The following NXPH1 variants were observed in gnomAD, a reference collection of about 807,000 sequenced individuals.
NXPH1 encodes neurexophilin-1.
A neutral mutation model predicts 23.7 loss-of-function variants in NXPH1; 5 were observed. That is an observed-to-expected ratio of 0.21 (90% CI 0.11 to 0.44). NXPH1 has a LOEUF of 0.44. NXPH1 is among the 20% of genes least tolerant of loss of function. The pLI, the probability that NXPH1 is intolerant of heterozygous loss-of-function variation, is 0.99. For missense variants in NXPH1, 324 were observed against 321.6 expected (o/e 1.01, Z -0.06); for synonymous variants, 144 against 122.2 (o/e 1.18, Z -1.18).
chr7:8,570,513 T>C (rs1818624041), intron 2 of NXPH1, among the ~76,000 whole-genome samples: 1 of 152,016 alleles, frequency 6.6e-6, no homozygotes, highest in Non-Finnish European at 1.5e-5. Context: ...AATCAGCATA[T>C]GTAGAAAGTG....
intron 2 of NXPH1, among the ~76,000 whole-genome samples, chr7:8,515,307 T>C (rs2128614674): frequency 6.6e-6 from 1 of 152,160 alleles, no homozygotes; most frequent in Admixed American, 6.6e-5. Context: ...TGATTTTGCT[T>C]CATCATCATC....
intron 2 of NXPH1, among the ~76,000 whole-genome samples, chr7:8,745,474 A>C (rs1346298053): frequency 6.6e-6 from 1 of 152,086 alleles, no homozygotes; most frequent in East Asian, 1.9e-4. Flanking sequence ...ATGTTTGTCT[A>C]TGAATGTAAA....
chr7:8,720,082 T>G (rs1257611321), intron 2 of NXPH1, among the ~76,000 whole-genome samples: 44 of 152,188 alleles, frequency 2.9e-4, no homozygotes, highest in Non-Finnish European at 4.4e-5. Flanking sequence ...CAGCTCCTTT[T>G]GGAGAATGAT....
chr7:8,547,610 C>G (rs1818217157), intron 2 of NXPH1, among the ~76,000 whole-genome samples: 1 of 151,318 alleles, frequency 6.6e-6, no homozygotes, highest in South Asian at 2.1e-4. Context: ...AATATTGTAT[C>G]TGTTGCCCCT....
chr7:8,596,825 G>A (rs375902187), intron 2 of NXPH1, among the ~76,000 whole-genome samples: 2 of 152,080 alleles, frequency 1.3e-5, no homozygotes, highest in South Asian at 4.1e-4. Context: ...CTTTTACTTT[G>A]GGAGTAGTGC....
chr7:8,500,223 A>G (rs181222684), intron 2 of NXPH1, among the ~76,000 whole-genome samples: 11 of 152,168 alleles, frequency 7.2e-5, no homozygotes, highest in Admixed American at 5.2e-4. Flanking sequence ...TCACTTTTAG[A>G]TTCTAAATCT....
At chr7:8,477,345 A>T (rs1816993045) in intron 2 of NXPH1, among the ~76,000 whole-genome samples, 1 of 151,068 alleles carries the variant, frequency 6.6e-6, no homozygotes, top group Non-Finnish European at 1.5e-5. Context: ...ATTTTTTTTT[A>T]AATAATTGTG....
chr7:8,530,653 G>A (rs1208340523), intron 2 of NXPH1, among the ~76,000 whole-genome samples: 1 of 152,214 alleles, frequency 6.6e-6, no homozygotes, highest in East Asian at 1.9e-4. Context: ...CATGAGGGAG[G>A]AGGTGAGTCA....
intron 2 of NXPH1, among the ~76,000 whole-genome samples, chr7:8,705,882 T>TG (rs1779697052): frequency 6.6e-6 from 1 of 152,164 alleles, no homozygotes. Flanking sequence ...TATTTGGCTT[T>TG]GGGGGACAAC....
intron 2 of NXPH1, among the ~76,000 whole-genome samples, chr7:8,511,952 GC>G (rs1817619799): frequency 6.6e-6 from 1 of 152,132 alleles, no homozygotes; most frequent in Non-Finnish European, 1.5e-5. Context: ...GGATGACCCT[GC>G]CCAGTAGCTC....
intron 2 of NXPH1, among the ~76,000 whole-genome samples, chr7:8,667,899 A>G (rs1820798916): frequency 6.6e-6 from 1 of 151,310 alleles, no homozygotes; most frequent in South Asian, 2.1e-4. Context: ...TTCTCCTCTG[A>G]TTGTATATTT....
intron 2 of NXPH1, among the ~76,000 whole-genome samples, chr7:8,561,383 C>CACACACACACACA (rs1554256950): frequency 2.6e-4 from 38 of 147,222 alleles, no homozygotes; most frequent in African/African-American, 8.3e-4. Context: ...CACACACACA[C>CACACACACACACA]CTCTCTCTCT....
chr7:8,668,166 G>C (rs10262137), intron 2 of NXPH1, among the ~76,000 whole-genome samples: 5 of 149,868 alleles, frequency 3.3e-5, no homozygotes, highest in African/African-American at 1.2e-4. Flanking sequence ...TAATTATTTT[G>C]AATTATTTGT....
At chr7:8,454,500 A>G (rs1430529727) in intron 2 of NXPH1, among the ~76,000 whole-genome samples, 1 of 152,038 alleles carries the variant, frequency 6.6e-6, no homozygotes, top group East Asian at 1.9e-4. Flanking sequence ...TTCATTTGTA[A>G]ATTTGACTTG....
At chr7:8,598,772 A>C (rs1292546569) in intron 2 of NXPH1, among the ~76,000 whole-genome samples, 1 of 152,148 alleles carries the variant, frequency 6.6e-6, no homozygotes, top group Non-Finnish European at 1.5e-5. Flanking sequence ...AACAAATATC[A>C]GTGCTTTTCT....
intron 2 of NXPH1, among the ~76,000 whole-genome samples, chr7:8,507,244 T>C (rs1156622510): frequency 6.6e-6 from 1 of 151,566 alleles, no homozygotes; most frequent in Non-Finnish European, 1.5e-5. Flanking sequence ...ACTTACATAA[T>C]TGAATAGGTG....
At chr7:8,455,802 A>T (rs1214015443) in intron 2 of NXPH1, among the ~76,000 whole-genome samples, 2 of 152,232 alleles carry the variant, frequency 1.3e-5, no homozygotes, top group East Asian at 1.9e-4. Context: ...TAGCCTATAA[A>T]ATATTAAGTG....
chr7:8,476,627 A>T (rs897367196), intron 2 of NXPH1, among the ~76,000 whole-genome samples: 187 of 152,192 alleles, frequency 1.2e-3, no homozygotes, highest in African/African-American at 4.2e-3. Context: ...TGACATCCTT[A>T]AATGCAATGC....
chr7:8,653,987 A>T (rs1293855360), intron 2 of NXPH1, among the ~76,000 whole-genome samples: 1 of 152,202 alleles, frequency 6.6e-6, no homozygotes, highest in African/African-American at 2.4e-5. Flanking sequence ...CATGTGTGGA[A>T]GTTCAGAGAT....
Sources: gnomAD v4.1 joint callset for allele counts (sites outside exome capture counted in the v4.1 genomes callset) on GRCh38, gnomAD v4.1.1 for gene constraint, MANE v1.5 for transcripts, NCBI Gene and HGNC (gene_info 2026-07-23, HGNC 2026-07-21) for gene names.